Variants in CLASRP observed in about 807,000 individuals in gnomAD.
CLASRP encodes CLK4-associating serine/arginine rich protein.
Under a neutral mutation model 99.9 loss-of-function variants are expected in CLASRP, and 52 were observed. That is an observed-to-expected ratio of 0.52 (90% CI 0.42 to 0.66). The LOEUF (loss-of-function observed/expected upper bound fraction) is 0.66, where lower values mean the gene tolerates loss of function less well. CLASRP is among the 30% of genes least tolerant of loss of function. The pLI is 0.00. For missense variants in CLASRP, 848 were observed against 999.2 expected, an observed-to-expected ratio of 0.85 and a Z score of 2.04; for synonymous variants, 379 against 373.0, an observed-to-expected ratio of 1.02 and a Z score of -0.18.
At chr19:45,057,605 TG>T in intron 6 of CLASRP, 144 bp from the exon 7 acceptor site, 1 of 852,184 alleles carries the variant, frequency 1.2e-6, no homozygotes. Flanking sequence ...AGGGAGGAGC[TG>T]GGTGTGGGCA....
chr19:45,043,195 T>TTGTGTGTGTGTGTGTGTGTG (rs58669276), intron 2 of CLASRP, among the ~76,000 whole-genome samples: 1 of 134,690 alleles, frequency 7.4e-6, no homozygotes, highest in East Asian at 2.2e-4. Context: ...AAGGAATACT[T>TTGTGTGTGTGTGTGTGTGTG]TGTGTGTGTG....
chr19:45,045,242 G>A (rs1971893531), intron 2 of CLASRP, among the ~76,000 whole-genome samples: 1 of 152,234 alleles, frequency 6.6e-6, no homozygotes, highest in African/African-American at 2.4e-5. Flanking sequence ...TAGGCCAGGT[G>A]CAGTGGCTCA....
At chr19:45,068,091 G>A (rs199702231) in intron 15 of CLASRP, 37 bp downstream of exon 15, 44 of 1,603,006 alleles carry the variant, frequency 2.7e-5, no homozygotes, top group African/African-American at 9.4e-5. Flanking sequence ...TCTAATTCCC[G>A]TCAGCAGCAG....
intron 20 of CLASRP, 24 bp from the exon 21 acceptor site, chr19:45,070,779 C>T (rs377473329): frequency 3.7e-6 from 6 of 1,605,638 alleles, no homozygotes; most frequent in East Asian, 2.2e-5. Flanking sequence ...CCCATCCTCA[C>T]GGCCCCTCCC....
chr19:45,069,355 A>G, intron 18 of CLASRP, 107 bp downstream of exon 18: 1 of 1,132,676 alleles, frequency 8.8e-7, no homozygotes, highest in Non-Finnish European at 1.3e-6. Flanking sequence ...TGGGTGGATG[A>G]AAGGCAGAGA....
chr19:45,046,952 G>A (rs1038918861), intron 2 of CLASRP, among the ~76,000 whole-genome samples: 4 of 152,086 alleles, frequency 2.6e-5, no homozygotes, highest in African/African-American at 4.8e-5. Flanking sequence ...GCTTGAACCC[G>A]GGAGGCAGAG....
chr19:45,060,244 G>C lies in CLASRP; in HGVS notation c.711-145G>C. On this transcript the variant is annotated intron_variant, in intron 8 of 20. Coordinates refer to ENST00000221455, the MANE Select transcript of CLASRP (RefSeq NM_007056.3). The surrounding 1 kb of genome is among the most constrained non-coding windows in gnomAD (Gnocchi z 4.6). ...AGATAGCACCTGGCACACAGAGGGT[G>C]CTTGATAAGTGGCATTGAATGAAAG... The C allele has an allele frequency of 1.5e-6, 1 of 683,590 alleles. No homozygotes were observed. Among genetic ancestry groups the C allele is most frequent in the Admixed American group, 2.3e-5 (1 of 44,324 alleles). 42.3% of individuals were successfully genotyped at this position (683,590 alleles called of 1,614,324 possible). A position where few individuals can be genotyped will look rare whatever the true frequency, so the allele number is the denominator to read the frequency against.
At position 45,064,615 on chromosome 19, in the gene CLASRP, C is replaced by G; in HGVS notation, c.1394C>G (p.Pro465Arg). 6.4e-7 allele frequency: 1 copy of G among 1,551,890 alleles called. No individual in the cohort carries two copies. The highest frequency in any genetic ancestry group is 8.7e-7 in the Non-Finnish European group (1 of 1,154,822). ...RSPARRGGYG[P>R]RRRSRSRSHS... Reference sequence around the variant, plus strand: ...CCCGCCCGGCGTGGTGGTTACGGGCCCCGGCGCAGAAGCAGGTGTGTGTGG... The same window carrying G: ...CCCGCCCGGCGTGGTGGTTACGGGCGCCGGCGCAGAAGCAGGTGTGTGTGG... Residue 465 changes from proline to arginine, a missense_variant, in exon 13 of 21, where the codon CCC becomes CGC. Coordinates refer to ENST00000221455, the MANE Select transcript of CLASRP (RefSeq NM_007056.3).
chr19:45,065,508 C>T (rs893463552), intron 13 of CLASRP, among the ~76,000 whole-genome samples: 2 of 151,606 alleles, frequency 1.3e-5, no homozygotes, highest in African/African-American at 2.4e-5. Context: ...TTGCAGTGAG[C>T]CGAGATTGTG....
At chr19:45,057,695 T>TGGGGCCCTCATCTCCACTGGGC in intron 6 of CLASRP, 55 bp from the exon 7 acceptor site, 1 of 1,603,718 alleles carries the variant, frequency 6.2e-7, no homozygotes, top group Non-Finnish European at 8.5e-7. Flanking sequence ...GGGGCTAGCC[T>TGGGGCCCTCATCTCCACTGGGC]GGGGCCCTCA....
At chr19:45,069,645 A>G (rs1451754370) in intron 18 of CLASRP, 2 of 444,212 alleles carry the variant, frequency 4.5e-6, no homozygotes, top group Admixed American at 3.7e-5. Flanking sequence ...GGCTGTTGGG[A>G]GGATTTGACA....
intron 2 of CLASRP, among the ~76,000 whole-genome samples, chr19:45,044,259 C>T (rs1971871764): frequency 6.6e-6 from 1 of 152,234 alleles, no homozygotes; most frequent in South Asian, 2.1e-4. Flanking sequence ...TCTGAACAGG[C>T]CTGCGAGGTA....
rs1311416473 is a variant in CLASRP at position 45,060,797 on chromosome 19, G to A, written c.863+170G>A. 6.6e-6 allele frequency among the ~76,000 whole-genome samples: 1 copy of A among 152,198 alleles called. No homozygotes were observed. Among genetic ancestry groups the A allele is most frequent in the Non-Finnish European group, 1.5e-5 (1 of 68,028 alleles). Reference sequence around the variant, plus strand: ...TTTAGAGGTAGGAACGGCCTTGAGGGCCATGTGGACTCCTTTCCTTGCCAG... The same window carrying A: ...TTTAGAGGTAGGAACGGCCTTGAGGACCATGTGGACTCCTTTCCTTGCCAG... On this transcript the variant is annotated intron_variant, in intron 10 of 20. Coordinates refer to ENST00000221455, the MANE Select transcript of CLASRP (RefSeq NM_007056.3). The surrounding 1 kb of genome is among the most constrained non-coding windows in gnomAD (Gnocchi z 4.6).
At chr19:45,051,940 C>T in intron 2 of CLASRP, 131 bp from the exon 3 acceptor site, 1 of 677,932 alleles carries the variant, frequency 1.5e-6, no homozygotes, top group Non-Finnish European at 2.6e-6. Flanking sequence ...TGCACTCCAG[C>T]CTGGGCGACA....
intron 15 of CLASRP, 171 bp downstream of exon 15, chr19:45,068,225 T>G (rs1967138535): frequency 2.9e-6 from 2 of 678,094 alleles, no homozygotes; most frequent in South Asian, 3.4e-5. Context: ...TCTCCCCTCC[T>G]CACTGTACAC....
chr19:45,060,364 C>A lies in CLASRP; in HGVS notation c.711-25C>A, dbSNP rs779063343. On this transcript the variant is annotated intron_variant, in intron 8 of 20. Transcript: ENST00000221455. The surrounding 1 kb of genome is among the most constrained non-coding windows in gnomAD (Gnocchi z 4.6). ...ACCCTGTGGCCTGCCCCATCCTCCA[C>A]CCTAATTCTCACCCACCTCTATAGG... The A allele has an allele frequency of 6.2e-7, 1 of 1,610,182 alleles. No individual in the cohort carries two copies. Among genetic ancestry groups the A allele is most frequent in the Admixed American group, 1.7e-5 (1 of 60,014 alleles).
chr19:45,041,474 T>TC (rs1241320307), intron 2 of CLASRP, among the ~76,000 whole-genome samples: 2 of 152,142 alleles, frequency 1.3e-5, no homozygotes, highest in Non-Finnish European at 2.9e-5. Context: ...CTCCTGTGTA[T>TC]CCTTGGGATC....
In CLASRP at chr19:45,070,304, TAC is replaced by T. The variant is rs147314692; in HGVS notation, c.1957+216_1958-216del. The stretch of plus-strand genomic sequence containing the variant: ...TGACCAACATGGTGACACACATACG[TAC>T]ACACACACACACACAGATTGCTTTA... On this transcript the variant is annotated intron_variant, in intron 19 of 20. Coordinates refer to ENST00000221455, the MANE Select transcript of CLASRP (RefSeq NM_007056.3). Among the ~76,000 whole-genome samples the T allele has an allele frequency of 4.9e-4, 74 of 150,528 alleles. 1 individual carries two copies. The highest frequency in any genetic ancestry group is 2.6e-3 in the Admixed American group (39 of 15,092).
intron 2 of CLASRP, among the ~76,000 whole-genome samples, chr19:45,048,307 C>A (rs1265590047): frequency 1.3e-5 from 2 of 149,298 alleles, no homozygotes; most frequent in African/African-American, 4.9e-5. Flanking sequence ...GAGGCCGAGG[C>A]GGGTGGATCA....
Sources: allele counts gnomAD v4.1 joint callset (sites outside exome capture counted in the v4.1 genomes callset), GRCh38; gene constraint gnomAD v4.1.1; non-coding constraint Gnocchi (gnomAD v3.1); transcripts MANE v1.5; gene names NCBI Gene and HGNC (gene_info 2026-07-23, HGNC 2026-07-21).